NHLH1: variants seen among roughly 807,000 people sequenced by gnomAD.
NHLH1 encodes the protein nescient helix-loop-helix 1.
A neutral mutation model predicts 6.7 loss-of-function variants in NHLH1; 3 were observed. That is an observed-to-expected ratio of 0.44 (90% confidence interval 0.20 to 1.15). NHLH1 has a LOEUF of 1.15. NHLH1 is among the 50% of genes most tolerant of loss of function. The probability of loss-of-function intolerance (pLI) is 0.26; values close to 1 mark genes in which losing one functional copy is unlikely to be tolerated. For missense variants in NHLH1, 177 were observed against 189.5 expected (o/e 0.93, Z 0.39); for synonymous variants, 92 against 84.2 (o/e 1.09, Z -0.51).
At position 160,367,107 on chromosome 1, in the gene NHLH1, C is replaced by T. The variant is rs1571217798; in HGVS notation, c.-406C>T. On this transcript the variant is annotated 5_prime_UTR_variant, in exon 1 of 2. Transcript: ENST00000302101. ...AGGGTGTGTGTGTGAGTGTGGCTGG[C>T]CCCAGTACCTGGCCAAGCCCACCAC... 2 of 152,964 alleles carry T rather than the reference C, an allele frequency of 1.3e-5. No individual in the cohort carries two copies. The highest frequency in any genetic ancestry group is 1.3e-4 in the Admixed American group (2 of 15,294). The allele number at this position is 152,964 out of a possible 1,614,324, so 9.5% of individuals were successfully genotyped here.
In NHLH1 at chr1:160,371,121, G is replaced by C; in HGVS notation, c.390G>C (p.Val130=). ...AICYISYLNH[V]LDV is the part of the protein sequence containing the mutation. ...GCTATATCTCCTACCTGAACCACGT[G>C]CTGGACGTCTGAACTCAGCCTGTCT... Residue 130 remains valine, a synonymous_variant, in exon 2 of 2, where the codon GTG becomes GTC. Coordinates refer to ENST00000302101, the MANE Select transcript of NHLH1 (RefSeq NM_005598.4). 1 of 1,609,024 alleles carries C rather than the reference G, an allele frequency of 6.2e-7. No individual in the cohort carries two copies. The highest frequency in any genetic ancestry group is 8.5e-7 in the Non-Finnish European group (1 of 1,177,294).
intron 1 of NHLH1, among the ~76,000 whole-genome samples, chr1:160,369,135 C>G (rs2101919936): frequency 6.6e-6 from 1 of 152,302 alleles, no homozygotes; most frequent in East Asian, 1.9e-4. Context: ...AACGGCCATT[C>G]TACTTTCTGT....
Position 160,370,693 on chromosome 1 carries a change from G to C in NHLH1, c.-39G>C. On this transcript the variant is annotated 5_prime_UTR_variant, in exon 2 of 2. Transcript: ENST00000302101. ...TTCAAGCTCCCAGAGGGAGGGGTGG[G>C]GAGGGGATCCTGATCTCACAGGGCA... is the stretch of plus-strand genomic sequence containing the variant. 1 of 1,601,888 alleles carries C rather than the reference G, an allele frequency of 6.2e-7. No homozygotes were observed. The highest frequency in any genetic ancestry group is 2.2e-5 in the East Asian group (1 of 44,564).
Position 160,370,570 on chromosome 1 carries a change from A to AC in NHLH1, c.-159dup, listed in dbSNP as rs1649599842. On this transcript the variant is annotated 5_prime_UTR_variant, in exon 2 of 2. Transcript: ENST00000302101. ...TCTCTTTTTCAGGCTTCAGACTGGCACCCTGACCATGGAACCCTGAAGTGG... is the reference window on the plus strand; with the variant it reads ...TCTCTTTTTCAGGCTTCAGACTGGCACCCCTGACCATGGAACCCTGAAGTGG... 3.1e-6 allele frequency: 2 copies of AC among 644,930 alleles called. No individual in the cohort carries two copies. Among genetic ancestry groups the AC allele is most frequent in the Admixed American group, 3.0e-5 (1 of 33,304 alleles). 40.0% of individuals were successfully genotyped at this position (644,930 alleles called of 1,614,324 possible).
chr1:160,370,103 TAA>T (rs1649588570), intron 1 of NHLH1, among the ~76,000 whole-genome samples: 1 of 152,220 alleles, frequency 6.6e-6, no homozygotes, highest in South Asian at 2.1e-4. Context: ...TGTTCGTCAA[TAA>T]ATTAAAGTCT....
In NHLH1 at chr1:160,370,673, G is replaced by A. The variant is rs748792590; in HGVS notation, c.-59G>A. 1 of 1,564,334 alleles carries A rather than the reference G, an allele frequency of 6.4e-7. No homozygotes were observed. The highest frequency in any genetic ancestry group is 8.7e-7 in the Non-Finnish European group (1 of 1,147,872). On this transcript the variant is annotated 5_prime_UTR_variant, in exon 2 of 2. Transcript: ENST00000302101. ...TCCCCCTCCCACCACCAGCTTTCAA[G>A]CTCCCAGAGGGAGGGGTGGGGAGGG...
In NHLH1 at chr1:160,370,893, C is replaced by A. The variant is rs1571219374; in HGVS notation, c.162C>A (p.Gly54=). ...GAGGCCCAGAGCCGGGAGAGCCTGGCCGGAAAGACCTGCAGCATCTGAGCC... is the reference window on the plus strand; with the variant it reads ...GAGGCCCAGAGCCGGGAGAGCCTGGACGGAAAGACCTGCAGCATCTGAGCC... The part of the protein sequence containing the change: ...QARGPEPGEP[G]RKDLQHLSRE... The change falls in exon 2 of 2, where the codon GGC becomes GGA. Residue 54 remains glycine, a synonymous_variant. Transcript: ENST00000302101. The A allele has an allele frequency of 3.1e-6, 5 of 1,606,896 alleles. No individual in the cohort carries two copies. The highest frequency in any genetic ancestry group is 4.2e-6 in the Non-Finnish European group (5 of 1,176,720).
At position 160,372,322 on chromosome 1, in the gene NHLH1, G is replaced by A. The variant is rs571434622; in HGVS notation, c.*1189G>A. The A allele has an allele frequency of 6.0e-6, 1 of 166,562 alleles. No homozygotes were observed. The highest frequency in any genetic ancestry group is 2.4e-5 in the African/African-American group (1 of 41,332). The allele number at this position is 166,562 out of a possible 1,614,324, so 10.3% of individuals were successfully genotyped here. ...CCTCCTCCCTCGCACCAAACTCCTA[G>A]CTCTACAAGTATATTTATTTATTTA... On this transcript the variant is annotated 3_prime_UTR_variant, in exon 2 of 2. Coordinates refer to ENST00000302101, the MANE Select transcript of NHLH1 (RefSeq NM_005598.4).
Position 160,372,183 on chromosome 1 carries a change from G to C in NHLH1, c.*1050G>C, listed in dbSNP as rs1053256455. 1.2e-5 allele frequency: 2 copies of C among 166,896 alleles called. No individual in the cohort carries two copies. The highest frequency in any genetic ancestry group is 1.9e-4 in the East Asian group (1 of 5,192). The allele number at this position is 166,896 out of a possible 1,614,324, so 10.3% of individuals were successfully genotyped here. On this transcript the variant is annotated 3_prime_UTR_variant, in exon 2 of 2. Coordinates refer to ENST00000302101, the MANE Select transcript of NHLH1 (RefSeq NM_005598.4). ...CAAGGGAAGAGACCCCCAACTCTGC[G>C]CCCCTACTCCATGCTGCTGATCCCC...
chr1:160,370,682 G>T lies in NHLH1; in HGVS notation c.-50G>T. ...CACCACCAGCTTTCAAGCTCCCAGA[G>T]GGAGGGGTGGGGAGGGGATCCTGAT... On this transcript the variant is annotated 5_prime_UTR_variant, in exon 2 of 2. In the 5' UTR this introduces an upstream ATG that the reference lacks. Coordinates refer to ENST00000302101, the MANE Select transcript of NHLH1 (RefSeq NM_005598.4). The T allele has an allele frequency of 6.3e-7, 1 of 1,584,996 alleles. No individual in the cohort carries two copies. The highest frequency in any genetic ancestry group is 8.6e-7 in the Non-Finnish European group (1 of 1,162,630).
At position 160,371,020 on chromosome 1, in the gene NHLH1, G is replaced by A. The variant is rs1451071398; in HGVS notation, c.289G>A (p.Glu97Lys). ...GGAAGCCTTCAACCTGGCCTTCGCC[G>A]AGCTGCGCAAGCTGCTGCCTACGCT... Reference protein sequence around the residue: ...RVEAFNLAFAELRKLLPTLPP... With the variant: ...RVEAFNLAFAKLRKLLPTLPP... Residue 97 changes from glutamate (E) to lysine (K), a missense_variant, in exon 2 of 2, where the codon GAG becomes AAG. Transcript: ENST00000302101. The A allele has an allele frequency of 1.2e-5, 20 of 1,613,960 alleles. No individual in the cohort carries two copies. The highest frequency in any genetic ancestry group is 1.6e-5 in the Non-Finnish European group (19 of 1,179,994).
In NHLH1 at chr1:160,372,506, T is replaced by C. The variant is rs1382919121; in HGVS notation, c.*1373T>C. The C allele has an allele frequency of 6.0e-6, 1 of 167,122 alleles. No homozygotes were observed. Among genetic ancestry groups the C allele is most frequent in the African/African-American group, 2.4e-5 (1 of 41,392 alleles). 10.4% of individuals were successfully genotyped at this position (167,122 alleles called of 1,614,324 possible). On this transcript the variant is annotated 3_prime_UTR_variant, in exon 2 of 2. Coordinates refer to ENST00000302101, the MANE Select transcript of NHLH1 (RefSeq NM_005598.4). ...TTACGCCTTTCCTTTTCTTGCTCCTTCTTCAACTCCTGGTGTGTGTGAGCA... is the reference window on the plus strand; with the variant it reads ...TTACGCCTTTCCTTTTCTTGCTCCTCCTTCAACTCCTGGTGTGTGTGAGCA...
Position 160,370,902 on chromosome 1 carries a change from C to G in NHLH1, c.171C>G (p.Asp57Glu), listed in dbSNP as rs1379213935. Reference protein sequence around the residue: ...GPEPGEPGRKDLQHLSREERR... With the variant: ...GPEPGEPGRKELQHLSREERR... ...AGCCGGGAGAGCCTGGCCGGAAAGA[C>G]CTGCAGCATCTGAGCCGCGAGGAGC... Residue 57 changes from aspartate to glutamate, a missense_variant, in exon 2 of 2, where the codon GAC becomes GAG. By Grantham distance (45) the Asp-to-Glu change is conservative (BLOSUM62 2). Transcript: ENST00000302101. 6.8e-6 allele frequency: 11 copies of G among 1,607,908 alleles called. No individual in the cohort carries two copies. The highest frequency in any genetic ancestry group is 9.3e-6 in the Non-Finnish European group (11 of 1,177,046).
At chr1:160,368,827 C>G (rs112892658) in intron 1 of NHLH1, among the ~76,000 whole-genome samples, 149 of 152,270 alleles carry the variant, frequency 9.8e-4, no homozygotes, top group Middle Eastern at 3.4e-3. Flanking sequence ...GAGGGGACCA[C>G]AGGGCCAAGG....
At chr1:160,368,405 A>G (rs1571218387) in intron 1 of NHLH1, among the ~76,000 whole-genome samples, 1 of 152,364 alleles carries the variant, frequency 6.6e-6, no homozygotes, top group South Asian at 2.1e-4. Context: ...GGGTAGCTCC[A>G]AAAATCTGTC....
chr1:160,368,591 A>C (rs1232796028), intron 1 of NHLH1, among the ~76,000 whole-genome samples: 5 of 152,168 alleles, frequency 3.3e-5, no homozygotes, highest in Non-Finnish European at 7.3e-5. Flanking sequence ...GGTTGTGCAC[A>C]GTGGGGTGGT....
In NHLH1 at chr1:160,372,832, C is replaced by G. The variant is rs1649661884; in HGVS notation, c.*1699C>G. ...ATACAAAAAGAAAAATAAAAGTGAC[C>G]TCGTTCTAGCACCAGGTATGGTTGT... On this transcript the variant is annotated 3_prime_UTR_variant, in exon 2 of 2. Coordinates refer to ENST00000302101, the MANE Select transcript of NHLH1 (RefSeq NM_005598.4). 1 of 156,674 alleles carries G rather than the reference C, an allele frequency of 6.4e-6. No individual in the cohort carries two copies. The allele number at this position is 156,674 out of a possible 1,614,324, so 9.7% of individuals were successfully genotyped here.
chr1:160,371,066 C>T lies in NHLH1; in HGVS notation c.335C>T (p.Ser112Phe). The change falls in exon 2 of 2, where the codon TCC (serine) becomes TTC (phenylalanine). Residue 112 changes from serine to phenylalanine, a missense_variant. Physicochemically the swap from Ser to Phe is radical, Grantham distance 155 (BLOSUM62 -2). Transcript: ENST00000302101. ...ACGCTGCCCCCCGACAAGAAGCTCT[C>T]CAAGATTGAGATTCTGCGCCTGGCC... Reference protein sequence around the residue: ...LPTLPPDKKLSKIEILRLAIC... With the variant: ...LPTLPPDKKLFKIEILRLAIC... 1 of 1,614,060 alleles carries T rather than the reference C, an allele frequency of 6.2e-7. No homozygotes were observed. Among genetic ancestry groups the T allele is most frequent in the Non-Finnish European group, 8.5e-7 (1 of 1,179,974 alleles).
chr1:160,369,225 TATC>T (rs1266325164), intron 1 of NHLH1, among the ~76,000 whole-genome samples: 2 of 152,372 alleles, frequency 1.3e-5, no homozygotes, highest in Admixed American at 1.3e-4. Flanking sequence ...TTATTTCACT[TATC>T]ATCATATCCT....
Sources: gnomAD v4.1 joint callset for allele counts (sites outside exome capture counted in the v4.1 genomes callset) on GRCh38, gnomAD v4.1.1 for gene constraint, MANE v1.5 for transcripts, NCBI Gene and HGNC (gene_info 2026-07-23, HGNC 2026-07-21) for gene names.